RIOK3: variants seen among roughly 807,000 people sequenced by gnomAD.
The protein encoded by RIOK3 is serine/threonine-protein kinase RIO3.
A neutral mutation model predicts 63.5 loss-of-function variants in RIOK3; 40 were observed. The observed-to-expected ratio is 0.63, with a 90% CI of 0.49 to 0.82. The LOEUF (loss-of-function observed/expected upper bound fraction) is 0.82, where lower values mean the gene tolerates loss of function less well. Ranked by LOEUF, RIOK3 falls within the 40% of genes least tolerant of loss-of-function variation. The pLI is 0.00. For missense variants in RIOK3, 557 were observed against 637.0 expected, an observed-to-expected ratio of 0.87 and a Z score of 1.35; for synonymous variants, 193 against 205.0, an observed-to-expected ratio of 0.94 and a Z score of 0.50.
intron 7 of RIOK3, among the ~76,000 whole-genome samples, chr18:23,469,332 TCTCTCC>T: frequency 3.2e-4 from 4 of 12,450 alleles, no homozygotes; most frequent in East Asian, 5.6e-3. Flanking sequence ...TCTCTCTCTC[TCTCTCC>T]CCCTCTCTCC....
Position 23,463,043 on chromosome 18 carries a change from A to C in RIOK3, c.143A>C (p.Gln48Pro), listed in dbSNP as rs1228868020. 1 of 1,609,724 alleles carries C rather than the reference A, an allele frequency of 6.2e-7. No individual in the cohort carries two copies. The highest frequency in any genetic ancestry group is 1.7e-4 in the Middle Eastern group (1 of 6,046). ...AGTGAACAGCTGGCCAAAGAATTGC[A>C]GTTAGAAGAAGAAGCTGCCGTTTTT... ...VMSEQLAKEL[Q>P]LEEEAAVFPE... Residue 48 changes from glutamine to proline, a missense_variant, in exon 2 of 13, where the codon CAG becomes CCG. Coordinates refer to ENST00000339486, the MANE Select transcript of RIOK3 (RefSeq NM_003831.5).
At chr18:23,462,142 AT>A (rs368584198) in intron 1 of RIOK3, among the ~76,000 whole-genome samples, 1 of 112,840 alleles carries the variant, frequency 8.9e-6, no homozygotes, top group Admixed American at 1.1e-4. Context: ...TGTTCTTGCT[AT>A]TTTTTTTTTT....
intron 11 of RIOK3, among the ~76,000 whole-genome samples, chr18:23,478,125 T>C (rs1367316177): frequency 1.3e-5 from 2 of 151,848 alleles, no homozygotes; most frequent in Non-Finnish European, 2.9e-5. Flanking sequence ...TGGCTCCTTG[T>C]ATATAAGCAG....
chr18:23,461,725 GT>G (rs904610022), intron 1 of RIOK3, among the ~76,000 whole-genome samples: 1 of 152,132 alleles, frequency 6.6e-6, no homozygotes, highest in African/African-American at 2.4e-5. Flanking sequence ...GGTCAACTGG[GT>G]CTGACAGAAT....
intron 11 of RIOK3, among the ~76,000 whole-genome samples, chr18:23,478,725 G>A (rs1430662477): frequency 1.5e-5 from 2 of 131,380 alleles, no homozygotes; most frequent in African/African-American, 5.8e-5. Flanking sequence ...ATGAATTGTT[G>A]GCAGTAGATT....
At chr18:23,458,672 G>A (rs1004030819) in intron 1 of RIOK3, among the ~76,000 whole-genome samples, 7 of 152,182 alleles carry the variant, frequency 4.6e-5, no homozygotes, top group Non-Finnish European at 5.9e-5. Context: ...TACAAAAAGC[G>A]GTTTACTGAA....
intron 7 of RIOK3, among the ~76,000 whole-genome samples, chr18:23,469,351 CTCTCT>C (rs2057435524): frequency 4.4e-4 from 1 of 2,268 alleles, no homozygotes; most frequent in African/African-American, 1.6e-3. Flanking sequence ...CTCTCTCCCC[CTCTCT>C]CCCTCCCTCC....
At chr18:23,454,084 G>A (rs1385941177) in intron 1 of RIOK3, among the ~76,000 whole-genome samples, 1 of 152,212 alleles carries the variant, frequency 6.6e-6, no homozygotes, top group African/African-American at 2.4e-5. Context: ...CTTTTTCATA[G>A]AGTGGCAAAC....
intron 1 of RIOK3, among the ~76,000 whole-genome samples, chr18:23,458,857 G>A (rs1417478302): frequency 6.6e-6 from 1 of 152,210 alleles, no homozygotes; most frequent in Non-Finnish European, 1.5e-5. Flanking sequence ...TGGAAAAAGT[G>A]TATGGAGGGC....
intron 11 of RIOK3, among the ~76,000 whole-genome samples, chr18:23,477,832 G>A (rs944950164): frequency 5.3e-5 from 8 of 151,814 alleles, no homozygotes; most frequent in Non-Finnish European, 1.2e-4. Context: ...CACTTTGGGA[G>A]GCCAAGGTGG....
At chr18:23,470,200 T>TA (rs2057447051) in intron 7 of RIOK3, among the ~76,000 whole-genome samples, 1 of 151,910 alleles carries the variant, frequency 6.6e-6, no homozygotes, top group Admixed American at 6.6e-5. Context: ...CCGTCTCTAC[T>TA]AAAAAATACA....
At chr18:23,474,098 A>G (rs553257891) in intron 8 of RIOK3, among the ~76,000 whole-genome samples, 1 of 152,356 alleles carries the variant, frequency 6.6e-6, no homozygotes, top group African/African-American at 2.4e-5. Flanking sequence ...AAATTCAGTA[A>G]TAATCCTTCT....
At chr18:23,474,031 T>C (rs993164945) in intron 8 of RIOK3, among the ~76,000 whole-genome samples, 1 of 152,250 alleles carries the variant, frequency 6.6e-6, no homozygotes. Context: ...TTTATACTTG[T>C]ATCTGAATTT....
intron 12 of RIOK3, among the ~76,000 whole-genome samples, 153 bp downstream of exon 12, chr18:23,479,577 T>G (rs1273916796): frequency 2.0e-5 from 3 of 150,966 alleles, no homozygotes; most frequent in Non-Finnish European, 4.4e-5. Flanking sequence ...GGTTTTTTCT[T>G]TTTTTCTTTT....
At chr18:23,462,392 T>C (rs1281283944) in intron 1 of RIOK3, among the ~76,000 whole-genome samples, 4 of 152,158 alleles carry the variant, frequency 2.6e-5, no homozygotes, top group Non-Finnish European at 4.4e-5. Context: ...CCACCCGCCT[T>C]GGCCTGCCAA....
intron 7 of RIOK3, among the ~76,000 whole-genome samples, chr18:23,470,346 C>T (rs2057448332): frequency 6.9e-6 from 1 of 145,978 alleles, no homozygotes; most frequent in African/African-American, 2.5e-5. Context: ...GCCTGGGTGA[C>T]AGAGCAAGAT....
intron 5 of RIOK3, among the ~76,000 whole-genome samples, chr18:23,465,680 A>C (rs1454951670): frequency 2.6e-5 from 4 of 152,124 alleles, no homozygotes; most frequent in Non-Finnish European, 5.9e-5. Context: ...TTAAATATCC[A>C]AGTGTGGCTA....
At chr18:23,465,899 A>G (rs2057403598) in intron 5 of RIOK3, among the ~76,000 whole-genome samples, 1 of 152,224 alleles carries the variant, frequency 6.6e-6, no homozygotes, top group Non-Finnish European at 1.5e-5. Context: ...GGATGTGATG[A>G]AATGTTTTCT....
At chr18:23,468,075 G>A (rs566585608) in intron 7 of RIOK3, among the ~76,000 whole-genome samples, 1 of 152,106 alleles carries the variant, frequency 6.6e-6, no homozygotes, top group South Asian at 2.1e-4. Flanking sequence ...ACTGCTTCCG[G>A]GCTTCCTCAT....
Sources: allele counts gnomAD v4.1 joint callset (sites outside exome capture counted in the v4.1 genomes callset), GRCh38; gene constraint gnomAD v4.1.1; transcripts MANE v1.5; gene names NCBI Gene and HGNC (gene_info 2026-07-23, HGNC 2026-07-21).